XPA: variants seen among roughly 807,000 people sequenced by gnomAD.
The protein encoded by XPA is XPA, DNA damage recognition and repair factor.
A neutral mutation model predicts 35.7 loss-of-function variants in XPA; 27 were observed. The observed-to-expected ratio is 0.76, with a 90% CI of 0.56 to 1.04. The LOEUF (loss-of-function observed/expected upper bound fraction) is 1.04. XPA is among the 50% of genes least tolerant of loss of function. The pLI, the probability that XPA is intolerant of heterozygous loss-of-function variation, is 0.00. For missense variants in XPA, 354 were observed against 342.7 expected, an observed-to-expected ratio of 1.03 and a Z score of -0.26; for synonymous variants, 133 against 118.4, an observed-to-expected ratio of 1.12 and a Z score of -0.80.
At chr9:97,694,473 A>C (rs192401089) in intron 1 of XPA, among the ~76,000 whole-genome samples, 1 of 152,368 alleles carries the variant, frequency 6.6e-6, no homozygotes, top group African/African-American at 2.4e-5. Context: ...CAGGCACTTC[A>C]CAAATGAGGA....
chr9:97,691,786 G>A (rs1464694091), intron 2 of XPA, among the ~76,000 whole-genome samples: 3 of 151,722 alleles, frequency 2.0e-5, no homozygotes, highest in Admixed American at 2.0e-4. Context: ...GGGAGGCTGA[G>A]GTAAGAGAAT....
chr9:97,654,515 A>G, the XPA span, among the ~76,000 whole-genome samples: 2 of 152,076 alleles, frequency 1.3e-5, no homozygotes, highest in African/African-American at 4.8e-5. Flanking sequence ...CCATTGGAAA[A>G]ATGGTGCCAG....
At chr9:97,680,144 A>G (rs1407182833) in intron 5 of XPA, among the ~76,000 whole-genome samples, 1 of 152,220 alleles carries the variant, frequency 6.6e-6, no homozygotes. Flanking sequence ...ACAAGGTAGC[A>G]GCATTATATT....
chr9:97,662,205 G>C, the XPA span: 1 of 1,216,808 alleles, frequency 8.2e-7, no homozygotes, highest in African/African-American at 1.5e-5. Context: ...AACACCAGTG[G>C]TATGGTAATT....
intron 5 of XPA, among the ~76,000 whole-genome samples, chr9:97,681,480 C>T (rs3176712): frequency 0.094 from 14,253 of 152,074 alleles, 2,295 homozygotes; most frequent in African/African-American, 0.33. Context: ...TTGGGACCCC[C>T]ATAAGAGATT....
intron 1 of XPA, among the ~76,000 whole-genome samples, chr9:97,695,569 T>C (rs1385121585): frequency 6.6e-6 from 1 of 152,172 alleles, no homozygotes; most frequent in Non-Finnish European, 1.5e-5. Flanking sequence ...AGCCCATGAC[T>C]TGAGCAGGAT....
chr9:97,670,618 C>G (rs1429586286), downstream of XPA, among the ~76,000 whole-genome samples: 2 of 152,242 alleles, frequency 1.3e-5, no homozygotes, highest in African/African-American at 4.8e-5. Context: ...TTAACAGTCT[C>G]TAGTCCTATA....
chr9:97,689,803 G>C (rs1828832114), intron 2 of XPA, among the ~76,000 whole-genome samples, 164 bp from the exon 3 acceptor site: 1 of 151,400 alleles, frequency 6.6e-6, no homozygotes, highest in African/African-American at 2.4e-5. Context: ...AAATTAAAGA[G>C]GAAAAAAGAA....
intron 5 of XPA, among the ~76,000 whole-genome samples, chr9:97,683,199 C>A (rs1030222901): frequency 6.6e-6 from 1 of 152,182 alleles, no homozygotes; most frequent in Non-Finnish European, 1.5e-5. Flanking sequence ...TAACAAAAAA[C>A]CCTAGGCTAG....
chr9:97,677,529 T>C (rs911582894), intron 5 of XPA, among the ~76,000 whole-genome samples: 2 of 151,826 alleles, frequency 1.3e-5, no homozygotes, highest in Non-Finnish European at 2.9e-5. Flanking sequence ...AAATAAAAAA[T>C]TAAAAAAATT....
chr9:97,689,806 AAAAAG>A (rs1210808861), intron 2 of XPA, among the ~76,000 whole-genome samples, 167 bp from the exon 3 acceptor site: 2 of 152,218 alleles, frequency 1.3e-5, no homozygotes, highest in African/African-American at 4.8e-5. Flanking sequence ...TTAAAGAGGA[AAAAAG>A]AAAAGGAAGT....
At chr9:97,686,727 G>C (rs1254681665) in intron 4 of XPA, among the ~76,000 whole-genome samples, 1 of 151,986 alleles carries the variant, frequency 6.6e-6, no homozygotes, top group Non-Finnish European at 1.5e-5. Context: ...TGGAGTTCGA[G>C]ACCAGCCTGG....
At chr9:97,655,644 G>C in the XPA span, 3 of 1,430,140 alleles carry the variant, frequency 2.1e-6, no homozygotes, top group Non-Finnish European at 2.9e-6. Context: ...ATAAGTTTCT[G>C]TTCTAAATCC....
At chr9:97,661,890 C>G in the XPA span, 2 of 475,282 alleles carry the variant, frequency 4.2e-6, no homozygotes, top group Non-Finnish European at 3.7e-6. Context: ...TGTTTGAAAT[C>G]AGTGACGGTC....
intron 4 of XPA, among the ~76,000 whole-genome samples, chr9:97,686,254 A>T (rs1828712931): frequency 6.6e-6 from 1 of 152,208 alleles, no homozygotes; most frequent in African/African-American, 2.4e-5. Context: ...CAATATTTGT[A>T]CCACTCTGAG....
Position 97,686,686 on chromosome 9 carries a change from C to T in XPA, c.555+410G>A, listed in dbSNP as rs7038360. 4.3e-4 allele frequency among the ~76,000 whole-genome samples: 65 copies of T among 152,032 alleles called. 1 individual carries two copies. Among genetic ancestry groups the T allele is most frequent in the African/African-American group, 1.3e-3 (55 of 41,478 alleles). On this transcript the variant is annotated intron_variant, in intron 4 of 5. Transcript: ENST00000375128. ...TCATGCCTGTAATCCCAGCACTTTG[C>T]GAGGCCAAAGCAGGAGGATCACTTG...
chr9:97,682,377 T>C (rs1587741940), intron 5 of XPA: 1 of 518,954 alleles, frequency 1.9e-6, no homozygotes, highest in Non-Finnish European at 3.8e-6. Flanking sequence ...ATCTCTACAG[T>C]GTCTACTCCA....
chr9:97,664,342 G>A, the XPA span: 1 of 1,595,152 alleles, frequency 6.3e-7, no homozygotes, highest in Non-Finnish European at 8.6e-7. Context: ...CATTGTAGAT[G>A]ATTGCTGTAC....
chr9:97,695,136 T>A (rs1829003774), intron 1 of XPA, among the ~76,000 whole-genome samples: 1 of 152,254 alleles, frequency 6.6e-6, no homozygotes, highest in African/African-American at 2.4e-5. Flanking sequence ...GAAGTGTACA[T>A]GTCTTGATCA....
Sources: gnomAD v4.1 joint callset for allele counts (sites outside exome capture counted in the v4.1 genomes callset) on GRCh38, gnomAD v4.1.1 for gene constraint, MANE v1.5 for transcripts, NCBI Gene and HGNC (gene_info 2026-07-23, HGNC 2026-07-21) for gene names.